The following CHST9 variants were observed in gnomAD, a reference collection of about 807,000 sequenced individuals.
CHST9 encodes the protein GalNAc-4-sulfotransferase 2.
CHST9 carries 41 observed loss-of-function variants against 44.4 expected under a neutral mutation model. The observed-to-expected ratio is 0.92, with a 90% CI of 0.72 to 1.20. The LOEUF (loss-of-function observed/expected upper bound fraction) is 1.20, where lower values mean the gene tolerates loss of function less well. Ranked by LOEUF, CHST9 falls within the 50% of genes most tolerant of loss-of-function variation. CHST9 has a pLI of 0.00. For missense variants in CHST9, 504 were observed against 516.5 expected (o/e 0.98, Z 0.23); for synonymous variants, 171 against 178.4 (o/e 0.96, Z 0.33).
intron 4 of CHST9, among the ~76,000 whole-genome samples, chr18:27,014,562 AG>A (rs1210030296): frequency 6.6e-6 from 1 of 150,454 alleles, no homozygotes; most frequent in Non-Finnish European, 1.5e-5. Flanking sequence ...ATATTGTAAG[AG>A]CCCCTCAAAC....
At chr18:27,097,153 A>G (rs1357508507) in intron 2 of CHST9, among the ~76,000 whole-genome samples, 1 of 152,168 alleles carries the variant, frequency 6.6e-6, no homozygotes, top group Non-Finnish European at 1.5e-5. Flanking sequence ...TACCACATAA[A>G]CAGAATTTAA....
intron 2 of CHST9, among the ~76,000 whole-genome samples, chr18:27,102,503 T>A (rs746055670): frequency 4.4e-4 from 67 of 152,336 alleles, no homozygotes; most frequent in Non-Finnish European, 6.0e-4. Flanking sequence ...ACTGCCATAT[T>A]TACCCCATCC....
chr18:27,137,104 CAATT>C (rs2058519299), intron 2 of CHST9, among the ~76,000 whole-genome samples: 1 of 151,876 alleles, frequency 6.6e-6, no homozygotes, highest in Non-Finnish European at 1.5e-5. Context: ...AGGATACAGA[CAATT>C]AATAAGTCAA....
Position 26,941,020 on chromosome 18 carries a change from T to C in CHST9, c.240+3309A>G, listed in dbSNP as rs546488202. ...AGCTAAAAAGAGCAAGGAAGGATCCTTCCCTACAGGTTTCAGAGAGACTAT... is the reference window on the plus strand; with the variant it reads ...AGCTAAAAAGAGCAAGGAAGGATCCCTCCCTACAGGTTTCAGAGAGACTAT... On this transcript the variant is annotated intron_variant, in intron 5 of 5. Transcript: ENST00000618847. 7.9e-5 allele frequency among the ~76,000 whole-genome samples: 12 copies of C among 152,334 alleles called. 1 individual carries two copies. Among genetic ancestry groups the C allele is most frequent in the African/African-American group, 2.6e-4 (11 of 41,582 alleles).
chr18:27,103,696 C>A (rs1017994438), intron 2 of CHST9, among the ~76,000 whole-genome samples: 1 of 152,140 alleles, frequency 6.6e-6, no homozygotes, highest in Non-Finnish European at 1.5e-5. Flanking sequence ...TATATAGATG[C>A]CTTTGGCGAG....
At chr18:27,141,742 T>TAAAAAA (rs35595422) in intron 2 of CHST9, among the ~76,000 whole-genome samples, 7 of 122,024 alleles carry the variant, frequency 5.7e-5, no homozygotes, top group Admixed American at 8.4e-5. Context: ...TAGAATAACT[T>TAAAAAA]AAAAAAAAAA....
chr18:26,923,771 T>C (rs1356999670), intron 5 of CHST9, among the ~76,000 whole-genome samples: 1 of 152,072 alleles, frequency 6.6e-6, no homozygotes, highest in East Asian at 1.9e-4. Flanking sequence ...AATGTGACAA[T>C]TGCTATAATA....
chr18:27,111,880 G>T (rs888054322), intron 2 of CHST9, among the ~76,000 whole-genome samples: 1 of 151,962 alleles, frequency 6.6e-6, no homozygotes, highest in South Asian at 2.1e-4. Context: ...TTGACTCGTG[G>T]CTCTGAGGTC....
At chr18:27,184,723 CTG>C (rs1401544687) in intron 1 of CHST9, among the ~76,000 whole-genome samples, 6 of 152,180 alleles carry the variant, frequency 3.9e-5, no homozygotes, top group African/African-American at 1.4e-4. Context: ...AAACTAAAGA[CTG>C]TTCCTGCCGT....
intron 4 of CHST9, among the ~76,000 whole-genome samples, chr18:27,001,365 G>T (rs150996882): frequency 6.2e-4 from 94 of 152,282 alleles, no homozygotes; most frequent in African/African-American, 2.1e-3. Flanking sequence ...GCCCAAGGAG[G>T]GCTGAGATGC....
At chr18:27,087,803 G>T (rs901779544) in intron 2 of CHST9, among the ~76,000 whole-genome samples, 1 of 152,160 alleles carries the variant, frequency 6.6e-6, no homozygotes, top group Non-Finnish European at 1.5e-5. Flanking sequence ...GTCCCCTAGC[G>T]AATGGCCTTT....
chr18:26,920,749 T>A (rs924029963), intron 5 of CHST9, among the ~76,000 whole-genome samples: 1 of 152,256 alleles, frequency 6.6e-6, no homozygotes, highest in African/African-American at 2.4e-5. Flanking sequence ...CAATTCTTGT[T>A]AAGGTGATGA....
intron 1 of CHST9, among the ~76,000 whole-genome samples, chr18:27,179,673 A>T (rs1387614573): frequency 6.6e-6 from 1 of 152,098 alleles, no homozygotes; most frequent in African/African-American, 2.4e-5. Context: ...GCTAAATGTT[A>T]TGCATATCAA....
intron 4 of CHST9, among the ~76,000 whole-genome samples, chr18:27,021,934 T>C (rs529671014): frequency 2.1e-4 from 32 of 152,194 alleles, no homozygotes; most frequent in Admixed American, 9.8e-4. Context: ...ATCCCCCTAC[T>C]TTAGCCTCCT....
At chr18:26,932,498 T>C (rs941942376) in intron 5 of CHST9, among the ~76,000 whole-genome samples, 5 of 152,130 alleles carry the variant, frequency 3.3e-5, no homozygotes, top group African/African-American at 1.2e-4. Flanking sequence ...GCAAAAAATC[T>C]GGGAGAACAA....
chr18:27,131,420 G>A (rs762211671), intron 2 of CHST9, among the ~76,000 whole-genome samples: 7 of 152,262 alleles, frequency 4.6e-5, no homozygotes, highest in South Asian at 2.1e-4. Context: ...GCGTGGTGGC[G>A]CACGCCTGTA....
chr18:26,944,242 T>C, intron 5 of CHST9, 87 bp downstream of exon 5: 3 of 1,004,650 alleles, frequency 3.0e-6, no homozygotes, highest in Non-Finnish European at 4.7e-6. Context: ...ACAGCTAACA[T>C]TACCCCCTGC....
intron 4 of CHST9, among the ~76,000 whole-genome samples, chr18:27,010,175 T>C (rs1396032248): frequency 6.6e-6 from 1 of 152,200 alleles, no homozygotes; most frequent in Non-Finnish European, 1.5e-5. Context: ...TAAATTTATT[T>C]AAGATCACAA....
chr18:27,026,077 C>A (rs985902083), intron 3 of CHST9, among the ~76,000 whole-genome samples: 1 of 152,142 alleles, frequency 6.6e-6, no homozygotes, highest in Non-Finnish European at 1.5e-5. Flanking sequence ...ACAATCAAGT[C>A]ATTTCCTTAA....
Sources: gnomAD v4.1 joint callset for allele counts (sites outside exome capture counted in the v4.1 genomes callset) on GRCh38, gnomAD v4.1.1 for gene constraint, MANE v1.5 for transcripts, NCBI Gene and HGNC (gene_info 2026-07-23, HGNC 2026-07-21) for gene names.